Variants in CWC27 observed in about 807,000 individuals in gnomAD.
CWC27 encodes the protein CWC27 spliceosome associated cyclophilin, also known as spliceosome-associated protein CWC27 homolog.
In CWC27, 47 loss-of-function variants were observed where a neutral mutation model predicts 63.6. The observed-to-expected ratio is 0.74, with a 90% CI of 0.58 to 0.94. CWC27 has a LOEUF of 0.94. Ranked by LOEUF, CWC27 falls within the 40% of genes least tolerant of loss-of-function variation. The pLI is 0.00. For missense variants in CWC27, 495 were observed against 554.3 expected (o/e 0.89, Z 1.07); for synonymous variants, 175 against 179.8 (o/e 0.97, Z 0.22).
chr5:64,972,621 T>C (rs1749147764), intron 12 of CWC27: 1 of 445,028 alleles, frequency 2.2e-6, no homozygotes, highest in African/African-American at 2.0e-5. Flanking sequence ...AGCCCAAACC[T>C]GTCTGGATAA....
At chr5:64,985,144 C>G (rs1749402389) in intron 13 of CWC27, among the ~76,000 whole-genome samples, 1 of 152,094 alleles carries the variant, frequency 6.6e-6, no homozygotes, top group Non-Finnish European at 1.5e-5. Flanking sequence ...GTGTCTTTAT[C>G]CTTTCACCAT....
chr5:64,923,961 C>T (rs950452561), intron 11 of CWC27, among the ~76,000 whole-genome samples: 1 of 151,944 alleles, frequency 6.6e-6, no homozygotes, highest in African/African-American at 2.4e-5. Context: ...CACTTTTTTG[C>T]TATCCCTCAT....
intron 11 of CWC27, among the ~76,000 whole-genome samples, chr5:64,944,182 TA>T (rs879728305): frequency 0.015 from 2,221 of 146,238 alleles, 46 homozygotes; most frequent in African/African-American, 0.05. Flanking sequence ...ATTTCTTCAT[TA>T]AAAAAAAAAA....
chr5:64,979,755 A>ATTGC (rs1749300320), intron 13 of CWC27, among the ~76,000 whole-genome samples: 1 of 152,196 alleles, frequency 6.6e-6, no homozygotes, highest in Non-Finnish European at 1.5e-5. Context: ...AGGTAAAATG[A>ATTGC]TTGCTTCTAA....
In CWC27 at chr5:64,902,641, T is replaced by A. The variant is rs562798788; in HGVS notation, c.1042+17095T>A. Among the ~76,000 whole-genome samples the A allele has an allele frequency of 1.1e-4, 17 of 152,322 alleles. 1 individual carries two copies. The South Asian group carries it at 3.5e-3, about 32-fold the overall frequency. On this transcript the variant is annotated intron_variant, in intron 11 of 13. Transcript: ENST00000381070. ...ATCTTGATCACTATGGTTTTATAAGTCTTGAAGTCAAGTGTAAGTCCTCCC... is the reference window on the plus strand; with the variant it reads ...ATCTTGATCACTATGGTTTTATAAGACTTGAAGTCAAGTGTAAGTCCTCCC...
intron 7 of CWC27, among the ~76,000 whole-genome samples, chr5:64,795,763 A>T (rs114575424): frequency 2.6e-5 from 4 of 152,080 alleles, no homozygotes; most frequent in African/African-American, 9.7e-5. Context: ...CTCTTTTGCC[A>T]TGTAAGGTGA....
At chr5:64,902,673 T>G (rs990712025) in intron 11 of CWC27, among the ~76,000 whole-genome samples, 1 of 152,210 alleles carries the variant, frequency 6.6e-6, no homozygotes, top group East Asian at 1.9e-4. Flanking sequence ...TCCCACATTT[T>G]TCAAAGTTGT....
At chr5:64,838,312 T>A (rs916621157) in intron 10 of CWC27, among the ~76,000 whole-genome samples, 2 of 152,108 alleles carry the variant, frequency 1.3e-5, no homozygotes, top group Non-Finnish European at 2.9e-5. Flanking sequence ...ACAGATGCAA[T>A]ATATCAGCAT....
chr5:64,890,964 A>G (rs954159257), intron 11 of CWC27, among the ~76,000 whole-genome samples: 8 of 152,302 alleles, frequency 5.3e-5, no homozygotes, highest in Non-Finnish European at 1.0e-4. Context: ...AAGCATGGCT[A>G]GAGACATTCA....
At chr5:64,972,777 T>A (rs1406654114) in intron 12 of CWC27, 2 of 419,744 alleles carry the variant, frequency 4.8e-6, no homozygotes, top group East Asian at 1.4e-4. Context: ...CCCCATTCCC[T>A]TGTAGCAAAT....
intron 11 of CWC27, among the ~76,000 whole-genome samples, chr5:64,888,436 A>T (rs1580705004): frequency 6.8e-6 from 1 of 146,054 alleles, no homozygotes; most frequent in Non-Finnish European, 1.5e-5. Context: ...AAATGTCAAC[A>T]TATATAAATA....
intron 11 of CWC27, among the ~76,000 whole-genome samples, chr5:64,957,279 A>G (rs1339690171): frequency 6.6e-6 from 1 of 152,150 alleles, no homozygotes; most frequent in Non-Finnish European, 1.5e-5. Flanking sequence ...TTTATCTTGA[A>G]GAATTTTTTT....
At chr5:64,900,255 C>G (rs1363488986) in intron 11 of CWC27, among the ~76,000 whole-genome samples, 2 of 152,166 alleles carry the variant, frequency 1.3e-5, no homozygotes, top group Non-Finnish European at 2.9e-5. Context: ...CTAATTTTAG[C>G]CATTCTAATA....
intron 10 of CWC27, among the ~76,000 whole-genome samples, chr5:64,814,405 G>T (rs999058352): frequency 6.6e-6 from 1 of 152,024 alleles, no homozygotes; most frequent in Non-Finnish European, 1.5e-5. Context: ...AGGGTTCATA[G>T]GTGTTCTGGC....
intron 10 of CWC27, among the ~76,000 whole-genome samples, chr5:64,853,048 A>G (rs1746174840): frequency 6.6e-6 from 1 of 152,204 alleles, no homozygotes; most frequent in South Asian, 2.1e-4. Flanking sequence ...AAGTATTCAC[A>G]TGAAAGAAGG....
At chr5:64,996,987 T>C (rs147695148) in intron 13 of CWC27, among the ~76,000 whole-genome samples, 97 of 152,258 alleles carry the variant, frequency 6.4e-4, no homozygotes, top group African/African-American at 2.2e-3. Context: ...ACAAATGACT[T>C]CAGGACTTAA....
intron 13 of CWC27, among the ~76,000 whole-genome samples, chr5:64,987,715 T>A (rs1388184275): frequency 1.3e-5 from 2 of 152,236 alleles, no homozygotes; most frequent in African/African-American, 4.8e-5. Flanking sequence ...AATACAGAAT[T>A]ATGGGTCAAC....
chr5:64,991,894 C>A (rs548603491), intron 13 of CWC27, among the ~76,000 whole-genome samples: 1 of 152,202 alleles, frequency 6.6e-6, no homozygotes, highest in Admixed American at 6.5e-5. Context: ...TATTTTAAAA[C>A]CACTTGTTAA....
At chr5:64,790,618 G>A (rs1461824340) in intron 7 of CWC27, among the ~76,000 whole-genome samples, 2 of 151,930 alleles carry the variant, frequency 1.3e-5, no homozygotes, top group East Asian at 1.9e-4. Context: ...TCCTTAAAGT[G>A]TTTTTCCTTT....
Sources: allele counts gnomAD v4.1 joint callset (sites outside exome capture counted in the v4.1 genomes callset), GRCh38; gene constraint gnomAD v4.1.1; transcripts MANE v1.5; gene names NCBI Gene and HGNC (gene_info 2026-07-23, HGNC 2026-07-21).